The following MARCHF3 variants were observed in gnomAD, a reference collection of about 807,000 sequenced individuals.
MARCHF3 encodes E3 ubiquitin-protein ligase MARCHF3.
A neutral mutation model predicts 24.2 loss-of-function variants in MARCHF3; 13 were observed. The observed-to-expected ratio is 0.54, with a 90% CI of 0.35 to 0.85. MARCHF3 has a LOEUF of 0.85. Ranked by LOEUF, MARCHF3 falls within the 40% of genes least tolerant of loss-of-function variation. The pLI is 0.01. For synonymous variants in MARCHF3, 144 were observed against 137.3 expected (o/e 1.05, Z -0.34); for missense variants, 276 against 325.0 (o/e 0.85, Z 1.16).
At chr5:126,875,426 C>T (rs562653832) in intron 4 of MARCHF3, among the ~76,000 whole-genome samples, 1 of 152,358 alleles carries the variant, frequency 6.6e-6, no homozygotes, top group South Asian at 2.1e-4. Context: ...CCAGGAACGG[C>T]TCCTCTGAGG....
intron 3 of MARCHF3, among the ~76,000 whole-genome samples, chr5:126,880,359 G>C (rs1214996087): frequency 6.6e-6 from 1 of 152,104 alleles, no homozygotes; most frequent in Non-Finnish European, 1.5e-5. Context: ...AGATAATGGG[G>C]AGCTGACTTG....
chr5:126,889,918 C>T (rs1192894586), intron 3 of MARCHF3, among the ~76,000 whole-genome samples: 1 of 152,236 alleles, frequency 6.6e-6, no homozygotes, highest in Non-Finnish European at 1.5e-5. Flanking sequence ...TCCCTGTTCA[C>T]ATTGTCTAAG....
intron 1 of MARCHF3, among the ~76,000 whole-genome samples, chr5:127,018,600 C>G (rs1355552710): frequency 6.6e-6 from 1 of 151,992 alleles, no homozygotes; most frequent in Non-Finnish European, 1.5e-5. Flanking sequence ...GTGGAGGGAA[C>G]AGCAAATGCA....
intron 3 of MARCHF3, among the ~76,000 whole-genome samples, chr5:126,901,828 T>G (rs1281982726): frequency 6.6e-6 from 1 of 152,116 alleles, no homozygotes; most frequent in Non-Finnish European, 1.5e-5. Context: ...GCCTTGTTAT[T>G]TCAGCAGGAC....
intron 4 of MARCHF3, among the ~76,000 whole-genome samples, chr5:126,871,018 G>C (rs1752948568): frequency 6.6e-6 from 1 of 152,212 alleles, no homozygotes; most frequent in Non-Finnish European, 1.5e-5. Flanking sequence ...TTGCATGGTG[G>C]CTTCCTTTGT....
chr5:126,880,937 C>A (rs1407201408), intron 3 of MARCHF3, among the ~76,000 whole-genome samples: 2 of 152,120 alleles, frequency 1.3e-5, no homozygotes, highest in Non-Finnish European at 2.9e-5. Context: ...ATTCTGGATG[C>A]ATTTTATTAA....
intron 3 of MARCHF3, among the ~76,000 whole-genome samples, chr5:126,909,561 C>T (rs1050213924): frequency 4.6e-5 from 7 of 152,208 alleles, no homozygotes; most frequent in Non-Finnish European, 8.8e-5. Flanking sequence ...TCGCAGTATT[C>T]GGGTGGGAGT....
At chr5:127,018,336 A>G (rs1001305455) in intron 1 of MARCHF3, among the ~76,000 whole-genome samples, 2 of 152,064 alleles carry the variant, frequency 1.3e-5, no homozygotes, top group African/African-American at 4.8e-5. Context: ...ATGACAGTGC[A>G]CTCCAGCCTG....
intron 1 of MARCHF3, among the ~76,000 whole-genome samples, chr5:127,017,206 T>C (rs1218759360): frequency 1.3e-5 from 2 of 152,172 alleles, no homozygotes; most frequent in African/African-American, 2.4e-5. Flanking sequence ...GGCACTTGTA[T>C]ACCTATGTAA....
In MARCHF3 at chr5:126,869,198, C is replaced by T. The variant is rs1237722677; in HGVS notation, c.*1435G>A. On this transcript the variant is annotated 3_prime_UTR_variant, in exon 5 of 5. Coordinates refer to ENST00000308660, the MANE Select transcript of MARCHF3 (RefSeq NM_178450.5). ...TGTTCCTTTGCACTTCTCGTTTTCC[C>T]ACTTGGAACACAAGGCAGATGCTGG... 2 of 152,250 alleles carry T rather than the reference C, an allele frequency of 1.3e-5. No individual in the cohort carries two copies. The highest frequency in any genetic ancestry group is 4.8e-5 in the African/African-American group (2 of 41,460). 9.4% of individuals were successfully genotyped at this position (152,250 alleles called of 1,614,324 possible).
At chr5:126,965,021 TAAA>T (rs56350286) in intron 1 of MARCHF3, among the ~76,000 whole-genome samples, 9 of 101,488 alleles carry the variant, frequency 8.9e-5, no homozygotes, top group South Asian at 2.9e-4. Flanking sequence ...ATGTTCTTAG[TAAA>T]AAAAAAAAAA....
intron 1 of MARCHF3, among the ~76,000 whole-genome samples, chr5:126,967,327 G>A (rs962138252): frequency 6.6e-6 from 1 of 152,084 alleles, no homozygotes; most frequent in African/African-American, 2.4e-5. Flanking sequence ...ATATGTGCGT[G>A]TCTGAACAAA....
intron 1 of MARCHF3, among the ~76,000 whole-genome samples, chr5:127,000,185 G>A (rs1197719895): frequency 6.6e-6 from 1 of 151,882 alleles, no homozygotes; most frequent in Admixed American, 6.6e-5. Context: ...CTTTTAGCAT[G>A]GCTCCCTGCT....
chr5:126,915,035 A>C lies in MARCHF3; in HGVS notation c.288T>G (p.Ile96Met). 6.2e-7 allele frequency: 1 copy of C among 1,614,182 alleles called. No individual in the cohort carries two copies. Among genetic ancestry groups the C allele is most frequent in the East Asian group, 2.2e-5 (1 of 44,878 alleles). Reference protein sequence around the residue: ...PCECTGTLGTIHRSCLEHWLS... With the variant: ...PCECTGTLGTMHRSCLEHWLS... ...GCCAGTGCTCCAGGCAGCTCCGATG[A>C]ATTGTCCCCAAGGTCCCTGTACATT... is the stretch of plus-strand genomic sequence containing the variant. The change falls in exon 3 of 5, where the codon ATT (isoleucine) becomes ATG (methionine). Residue 96 changes from isoleucine to methionine, a missense_variant. By Grantham distance (10) the Ile-to-Met change is conservative (BLOSUM62 1). Coordinates refer to ENST00000308660, the MANE Select transcript of MARCHF3 (RefSeq NM_178450.5).
chr5:127,020,590 C>A (rs866734946), intron 1 of MARCHF3, among the ~76,000 whole-genome samples: 21 of 152,132 alleles, frequency 1.4e-4, no homozygotes, highest in African/African-American at 5.1e-4. Flanking sequence ...GTGGCTCATG[C>A]CTGTAATCCC....
At chr5:126,988,655 A>G (rs1055071865) in intron 1 of MARCHF3, among the ~76,000 whole-genome samples, 1 of 152,256 alleles carries the variant, frequency 6.6e-6, no homozygotes, top group Admixed American at 6.5e-5. Context: ...GATTATCACT[A>G]GAAAAGTTAA....
intron 3 of MARCHF3, among the ~76,000 whole-genome samples, chr5:126,889,735 G>A (rs1197102229): frequency 6.6e-6 from 1 of 152,208 alleles, no homozygotes; most frequent in African/African-American, 2.4e-5. Context: ...GCTGACATTA[G>A]ATACATCCTA....
intron 1 of MARCHF3, among the ~76,000 whole-genome samples, chr5:126,928,214 G>A (rs1029777867): frequency 2.0e-5 from 3 of 152,124 alleles, no homozygotes; most frequent in Non-Finnish European, 2.9e-5. Context: ...TCCTGAGGAC[G>A]GTGTTTTATT....
At chr5:126,904,906 T>C (rs1374505651) in intron 3 of MARCHF3, among the ~76,000 whole-genome samples, 38 of 139,886 alleles carry the variant, frequency 2.7e-4, no homozygotes, top group African/African-American at 8.7e-4. Flanking sequence ...ATGTCCTGAA[T>C]GGTAATGCCT....
Sources: gnomAD v4.1 joint callset for allele counts (sites outside exome capture counted in the v4.1 genomes callset) on GRCh38, gnomAD v4.1.1 for gene constraint, MANE v1.5 for transcripts, NCBI Gene and HGNC (gene_info 2026-07-23, HGNC 2026-07-21) for gene names.